The following UNC5D variants were observed in gnomAD, a reference collection of about 807,000 sequenced individuals.
UNC5D encodes netrin receptor UNC5D.
UNC5D carries 39 observed loss-of-function variants against 105.4 expected under a neutral mutation model. The observed-to-expected ratio is 0.37, with a 90% CI of 0.29 to 0.48. UNC5D has a LOEUF of 0.48. UNC5D is among the 20% of genes least tolerant of loss of function. UNC5D has a pLI of 0.98. For synonymous variants in UNC5D, 452 were observed against 450.4 expected, an observed-to-expected ratio of 1.00 and a Z score of -0.04; for missense variants, 991 against 1,202.4, an observed-to-expected ratio of 0.82 and a Z score of 2.60.
intron 1 of UNC5D, among the ~76,000 whole-genome samples, chr8:35,483,010 C>A (rs1810587430): frequency 6.6e-6 from 1 of 151,764 alleles, no homozygotes; most frequent in South Asian, 2.1e-4. Flanking sequence ...ACCATGTTGG[C>A]CAGGCTGGTC....
At chr8:35,441,179 A>G (rs1391176334) in intron 1 of UNC5D, among the ~76,000 whole-genome samples, 1 of 151,918 alleles carries the variant, frequency 6.6e-6, no homozygotes, top group Non-Finnish European at 1.5e-5. Flanking sequence ...AAATGTAGCC[A>G]GAAGGGAGAG....
chr8:35,614,002 T>C (rs1455346220), intron 4 of UNC5D, among the ~76,000 whole-genome samples: 1 of 152,230 alleles, frequency 6.6e-6, no homozygotes, highest in Non-Finnish European at 1.5e-5. Flanking sequence ...TTTCTTTGTC[T>C]GTAGAATAAA....
At chr8:35,357,946 G>A (rs1801650392) in intron 1 of UNC5D, among the ~76,000 whole-genome samples, 1 of 151,842 alleles carries the variant, frequency 6.6e-6, no homozygotes. Context: ...TGAAAAAAAA[G>A]CAGGTAAGAT....
intron 11 of UNC5D, among the ~76,000 whole-genome samples, chr8:35,743,413 GC>G (rs1271723359): frequency 6.6e-6 from 1 of 151,746 alleles, no homozygotes; most frequent in African/African-American, 2.4e-5. Flanking sequence ...GGGACTACAG[GC>G]ATGCACCACC....
At chr8:35,261,691 C>T (rs1191283380) in intron 1 of UNC5D, among the ~76,000 whole-genome samples, 1 of 152,088 alleles carries the variant, frequency 6.6e-6, no homozygotes, top group Non-Finnish European at 1.5e-5. Flanking sequence ...AGGATATGGA[C>T]TGTTGCCCTT....
intron 1 of UNC5D, among the ~76,000 whole-genome samples, chr8:35,538,276 G>T (rs1174771571): frequency 1.3e-5 from 2 of 151,074 alleles, no homozygotes; most frequent in African/African-American, 4.9e-5. Context: ...ATTCCTAAAA[G>T]AATTGAGTGG....
intron 2 of UNC5D, among the ~76,000 whole-genome samples, chr8:35,554,903 C>T (rs1816429494): frequency 6.6e-6 from 1 of 152,076 alleles, no homozygotes; most frequent in African/African-American, 2.4e-5. Flanking sequence ...TTTTAAACAA[C>T]TGGAGTCACT....
intron 9 of UNC5D, chr8:35,724,407 C>A (rs533203686): frequency 5.2e-6 from 6 of 1,162,052 alleles, no homozygotes; most frequent in Non-Finnish European, 5.9e-6. Context: ...TCCAGTGCCC[C>A]GGCAAGGTGA....
At chr8:35,434,118 A>G (rs1285262979) in intron 1 of UNC5D, among the ~76,000 whole-genome samples, 1 of 152,122 alleles carries the variant, frequency 6.6e-6, no homozygotes, top group African/African-American at 2.4e-5. Context: ...CTATTGATTT[A>G]GGAAAGTATG....
chr8:35,543,708 G>C (rs1186151017), intron 1 of UNC5D, among the ~76,000 whole-genome samples: 1 of 151,982 alleles, frequency 6.6e-6, no homozygotes, highest in Non-Finnish European at 1.5e-5. Context: ...AAATATAGTT[G>C]GTAGAACACT....
chr8:35,544,581 A>G, intron 1 of UNC5D: 2 of 792,058 alleles, frequency 2.5e-6, no homozygotes, highest in Non-Finnish European at 1.9e-6. Flanking sequence ...AACCACACCT[A>G]TTCTTTCGTT....
intron 3 of UNC5D, among the ~76,000 whole-genome samples, chr8:35,570,802 G>A (rs4543533): frequency 0.17 from 25,206 of 150,222 alleles, 2,346 homozygotes; most frequent in South Asian, 0.27. Context: ...GAAAAAAAAA[G>A]AAAAAATTAG....
intron 1 of UNC5D, among the ~76,000 whole-genome samples, chr8:35,538,395 TTATATA>T (rs10524805): frequency 0.03 from 2,461 of 82,098 alleles, 35 homozygotes; most frequent in Non-Finnish European, 0.043. Flanking sequence ...AAAAAAATAA[TTATATA>T]TATATATATA....
At chr8:35,754,503 G>A (rs1830427893) in intron 13 of UNC5D, among the ~76,000 whole-genome samples, 1 of 152,188 alleles carries the variant, frequency 6.6e-6, no homozygotes, top group Admixed American at 6.5e-5. Context: ...CTTCATTCAT[G>A]TCTCACTGGG....
At chr8:35,260,552 C>A (rs1387976263) in intron 1 of UNC5D, among the ~76,000 whole-genome samples, 1 of 152,068 alleles carries the variant, frequency 6.6e-6, no homozygotes, top group Non-Finnish European at 1.5e-5. Context: ...CTCATTGAAA[C>A]CTCTGGGTTC....
intron 1 of UNC5D, among the ~76,000 whole-genome samples, chr8:35,483,005 G>T (rs1373811155): frequency 2.0e-5 from 3 of 151,834 alleles, no homozygotes; most frequent in Non-Finnish European, 4.4e-5. Context: ...GTTTCACCAT[G>T]TTGGCCAGGC....
At chr8:35,667,080 G>T (rs560744377) in intron 4 of UNC5D, among the ~76,000 whole-genome samples, 25 of 151,946 alleles carry the variant, frequency 1.6e-4, no homozygotes, top group Non-Finnish European at 3.5e-4. Flanking sequence ...AGGAGAGTTT[G>T]TTTACTTCTT....
intron 12 of UNC5D, among the ~76,000 whole-genome samples, chr8:35,750,066 A>AACTT (rs1164796409): frequency 6.6e-6 from 1 of 152,132 alleles, no homozygotes; most frequent in East Asian, 1.9e-4. Flanking sequence ...CCAGAAACAG[A>AACTT]ACTTTCCAAG....
Position 35,431,238 on chromosome 8 carries a change from T to C in UNC5D, c.104-118054T>C, listed in dbSNP as rs998644102. ...AGTGTAAAAAGGGTAGTTATCATAA[T>C]GGTTAGTGAAGTTCATTTGAGGATG... On this transcript the variant is annotated intron_variant, in intron 1 of 16. Transcript: ENST00000404895. Among the ~76,000 whole-genome samples the C allele has an allele frequency of 2.6e-5, 4 of 152,230 alleles. No individual in the cohort carries two copies. The East Asian group carries it at 5.8e-4, about 22-fold the overall frequency.
Sources: gnomAD v4.1 joint callset for allele counts (sites outside exome capture counted in the v4.1 genomes callset) on GRCh38, gnomAD v4.1.1 for gene constraint, MANE v1.5 for transcripts, NCBI Gene and HGNC (gene_info 2026-07-23, HGNC 2026-07-21) for gene names.